Variants in MICU1 observed in about 807,000 individuals in gnomAD.
The protein encoded by MICU1 is mitochondrial calcium uptake 1.
Under a neutral mutation model 56.8 loss-of-function variants are expected in MICU1, and 45 were observed. The observed-to-expected ratio is 0.79, with a 90% CI of 0.62 to 1.02. The LOEUF (loss-of-function observed/expected upper bound fraction) is 1.02. Ranked by LOEUF, MICU1 falls within the 50% of genes least tolerant of loss-of-function variation. The pLI, the probability that MICU1 is intolerant of heterozygous loss-of-function variation, is 0.00. For missense variants in MICU1, 504 were observed against 587.1 expected, an observed-to-expected ratio of 0.86 and a Z score of 1.46; for synonymous variants, 186 against 195.1, an observed-to-expected ratio of 0.95 and a Z score of 0.39.
At chr10:72,384,647 ATCT>A (rs1441601973) in intron 10 of MICU1, among the ~76,000 whole-genome samples, 1 of 152,234 alleles carries the variant, frequency 6.6e-6, no homozygotes, top group African/African-American at 2.4e-5. Context: ...GCCAGAATCA[ATCT>A]TTAGAATTGC....
intron 1 of MICU1, among the ~76,000 whole-genome samples, chr10:72,584,429 A>G (rs145099062): frequency 0.013 from 2,016 of 152,358 alleles, 17 homozygotes; most frequent in Non-Finnish European, 0.019. Context: ...TAAAACCTCT[A>G]TAATGTATTA....
intron 8 of MICU1, among the ~76,000 whole-genome samples, chr10:72,471,241 T>C (rs559275129): frequency 2.6e-5 from 4 of 152,296 alleles, no homozygotes; most frequent in Non-Finnish European, 5.9e-5. Context: ...CGCGCCACCA[T>C]GCCCAGCTAG....
intron 8 of MICU1, among the ~76,000 whole-genome samples, chr10:72,453,821 G>A (rs113543121): frequency 0.046 from 6,754 of 146,964 alleles, 409 homozygotes; most frequent in East Asian, 0.2. Context: ...GTGAGCCACC[G>A]CGCCTGGCCT....
chr10:72,523,841 A>T, intron 5 of MICU1: 2 of 1,528,514 alleles, frequency 1.3e-6, no homozygotes, highest in Non-Finnish European at 1.7e-6. Flanking sequence ...GCCCGTCTGT[A>T]AGTATATATT....
At chr10:72,475,349 A>G in intron 7 of MICU1, 52 bp from the exon 8 acceptor site, 2 of 1,437,846 alleles carry the variant, frequency 1.4e-6, no homozygotes, top group Non-Finnish European at 1.9e-6. Flanking sequence ...GTGAGAAAAC[A>G]TAAACATAGA....
At chr10:72,484,857 C>T (rs1866415022) in intron 6 of MICU1, among the ~76,000 whole-genome samples, 1 of 152,184 alleles carries the variant, frequency 6.6e-6, no homozygotes, top group Admixed American at 6.6e-5. Context: ...ATTGTATAAT[C>T]CACATAACCT....
chr10:72,552,048 G>T lies in MICU1; in HGVS notation c.331-707C>A, dbSNP rs115636368. On this transcript the variant is annotated intron_variant, in intron 3 of 11. Transcript: ENST00000361114. ...TTTCATAGGTTTCAAAAGCTAGTAGGTCTTCAAAGTCAAAGTACATTCAAT... is the reference window on the plus strand; with the variant it reads ...TTTCATAGGTTTCAAAAGCTAGTAGTTCTTCAAAGTCAAAGTACATTCAAT... 6.9e-3 allele frequency among the ~76,000 whole-genome samples: 1,045 copies of T among 152,210 alleles called. 11 individuals are homozygous for T. The highest frequency in any genetic ancestry group is 0.024 in the African/African-American group (984 of 41,512).
chr10:72,387,386 A>C (rs1248550073), intron 10 of MICU1, among the ~76,000 whole-genome samples: 1 of 152,178 alleles, frequency 6.6e-6, no homozygotes, highest in Non-Finnish European at 1.5e-5. Context: ...GTCTAGAATT[A>C]ATTCATTTAC....
At chr10:72,415,296 G>GT (rs1208231484) in intron 9 of MICU1, among the ~76,000 whole-genome samples, 3 of 152,078 alleles carry the variant, frequency 2.0e-5, no homozygotes, top group Non-Finnish European at 2.9e-5. Context: ...GATTACAGGC[G>GT]TGAGTCACTG....
intron 10 of MICU1, among the ~76,000 whole-genome samples, chr10:72,402,789 G>C (rs1863498697): frequency 6.6e-6 from 1 of 152,138 alleles, no homozygotes; most frequent in Non-Finnish European, 1.5e-5. Flanking sequence ...GCTGATGCCT[G>C]TAATCTTAGC....
chr10:72,603,650 C>T (rs961615796), intron 1 of MICU1, among the ~76,000 whole-genome samples: 1 of 151,674 alleles, frequency 6.6e-6, no homozygotes, highest in Non-Finnish European at 1.5e-5. Context: ...ACCAAAAATA[C>T]AAAATTAGCC....
chr10:72,590,004 T>G (rs1841177476), intron 1 of MICU1, among the ~76,000 whole-genome samples: 1 of 151,944 alleles, frequency 6.6e-6, no homozygotes, highest in Non-Finnish European at 1.5e-5. Flanking sequence ...CATAGTGAGA[T>G]ACTGTCAGAA....
intron 1 of MICU1, among the ~76,000 whole-genome samples, chr10:72,585,423 G>A (rs540118577): frequency 2.0e-5 from 3 of 152,142 alleles, no homozygotes; most frequent in Admixed American, 1.3e-4. Flanking sequence ...GGCCAGGCGC[G>A]GTGGCTCACG....
chr10:72,489,096 G>A (rs180843927), intron 6 of MICU1, among the ~76,000 whole-genome samples: 5 of 152,046 alleles, frequency 3.3e-5, no homozygotes, highest in Admixed American at 1.3e-4. Context: ...CAAGACCAGC[G>A]TGGCCAACAA....
At chr10:72,532,714 G>A (rs1294899299) in intron 5 of MICU1, 1 of 270,912 alleles carries the variant, frequency 3.7e-6, no homozygotes, top group Non-Finnish European at 5.7e-6. Context: ...TAGAATATGT[G>A]ACTTTAAAAA....
intron 10 of MICU1, among the ~76,000 whole-genome samples, chr10:72,399,838 G>A (rs982395562): frequency 3.4e-5 from 5 of 149,156 alleles, no homozygotes; most frequent in African/African-American, 9.9e-5. Context: ...GGTGCCTGTA[G>A]TCCCAGCTAC....
chr10:72,428,787 C>CA (rs1864431368), intron 8 of MICU1, among the ~76,000 whole-genome samples: 1 of 152,108 alleles, frequency 6.6e-6, no homozygotes, highest in Non-Finnish European at 1.5e-5. Context: ...AAGATAATAA[C>CA]AATCAGGAAA....
chr10:72,536,435 C>T (rs1488424849), intron 4 of MICU1, among the ~76,000 whole-genome samples: 1 of 152,028 alleles, frequency 6.6e-6, no homozygotes, highest in Non-Finnish European at 1.5e-5. Context: ...CAACCTCCAC[C>T]TCCTGGGTTC....
chr10:72,423,117 A>C, intron 9 of MICU1, 117 bp downstream of exon 9: 2 of 1,363,396 alleles, frequency 1.5e-6, no homozygotes. Context: ...ACCAGAAATG[A>C]ATTAGGTGTA....
Sources: allele counts gnomAD v4.1 joint callset (sites outside exome capture counted in the v4.1 genomes callset), GRCh38; gene constraint gnomAD v4.1.1; transcripts MANE v1.5; gene names NCBI Gene and HGNC (gene_info 2026-07-23, HGNC 2026-07-21).